Variants in ZFHX3 observed in about 807,000 individuals in gnomAD.
ZFHX3 encodes the protein zinc finger homeobox protein 3.
A neutral mutation model predicts 279.1 loss-of-function variants in ZFHX3; 42 were observed. That is an observed-to-expected ratio of 0.15 (90% CI 0.12 to 0.19). The LOEUF is 0.19. Ranked by LOEUF, ZFHX3 falls within the 10% of genes least tolerant of loss-of-function variation. The pLI, the probability that ZFHX3 is intolerant of heterozygous loss-of-function variation, is 1.00. For missense variants in ZFHX3, 4,981 were observed against 4,754.0 expected (o/e 1.05, Z -1.40); for synonymous variants, 2,293 against 1,957.8 (o/e 1.17, Z -4.52).
intron 1 of ZFHX3, among the ~76,000 whole-genome samples, chr16:72,995,093 C>T (rs1597068164): frequency 1.3e-5 from 2 of 152,296 alleles, no homozygotes; most frequent in East Asian, 3.9e-4. Context: ...ACAGGGTTCC[C>T]ACTCCTACAG....
chr16:73,741,271 C>T (rs1423643923), intron 1 of ZFHX3, among the ~76,000 whole-genome samples: 1 of 152,034 alleles, frequency 6.6e-6, no homozygotes, highest in African/African-American at 2.4e-5. Context: ...GAAATACAAG[C>T]TTTAAAGAAA....
chr16:73,003,670 C>T (rs1434169391), intron 1 of ZFHX3, among the ~76,000 whole-genome samples: 2 of 152,106 alleles, frequency 1.3e-5, no homozygotes, highest in African/African-American at 2.4e-5. Flanking sequence ...TGCACTACTG[C>T]ACTCCAGCCT....
chr16:73,026,192 C>CAAAAAAAAAA (rs60146795), intron 1 of ZFHX3, among the ~76,000 whole-genome samples: 7 of 47,486 alleles, frequency 1.5e-4, no homozygotes, highest in Non-Finnish European at 1.9e-4. Context: ...ACAAAAAATA[C>CAAAAAAAAAA]AAAAAAAAAA....
At chr16:73,205,628 G>A (rs887810824) in intron 5 of ZFHX3, among the ~76,000 whole-genome samples, 1 of 152,152 alleles carries the variant, frequency 6.6e-6, no homozygotes, top group Non-Finnish European at 1.5e-5. Context: ...AAATGACCGC[G>A]TGTGGCTGTG....
chr16:73,682,950 G>C, intron 1 of ZFHX3, among the ~76,000 whole-genome samples: 1 of 19,048 alleles, frequency 5.2e-5, no homozygotes, highest in African/African-American at 1.7e-4. Flanking sequence ...AAGAAAGAAA[G>C]AAAGAAAGAA....
intron 4 of ZFHX3, among the ~76,000 whole-genome samples, chr16:73,314,539 C>T (rs981729847): frequency 6.6e-6 from 1 of 152,150 alleles, no homozygotes; most frequent in Non-Finnish European, 1.5e-5. Flanking sequence ...CTCTGTAGTC[C>T]GTGCTCCTAC....
intron 1 of ZFHX3, among the ~76,000 whole-genome samples, chr16:73,709,482 C>T (rs1417726523): frequency 3.9e-5 from 6 of 152,068 alleles, no homozygotes; most frequent in African/African-American, 1.2e-4. Flanking sequence ...TTTGCAACAA[C>T]GTGGATGAAC....
rs761319374 is a variant in ZFHX3, at chr16:73,238,162, C to T, written c.-1104+18885G>A. 5.0e-4 allele frequency among the ~76,000 whole-genome samples: 76 copies of T among 152,154 alleles called. 1 individual carries two copies. The highest frequency in any genetic ancestry group is 5.0e-4 in the Non-Finnish European group (34 of 68,036). The stretch of plus-strand genomic sequence containing the variant: ...CTAGCTTCATGTCAGACTTATCTTC[C>T]TTTATTAATGCCTTAAATATTAGTG... On this transcript the variant is annotated intron_variant, in intron 5 of 17. Transcript: ENST00000641206.
chr16:72,905,558 A>G (rs8063923), intron 3 of ZFHX3, among the ~76,000 whole-genome samples: 42,618 of 152,100 alleles, frequency 0.28, 6,329 homozygotes, highest in African/African-American at 0.32. Flanking sequence ...CACAGAAGAA[A>G]GGAAGAGGGA....
chr16:73,076,688 C>T (rs1597148897), intron 8 of ZFHX3, among the ~76,000 whole-genome samples: 4 of 152,272 alleles, frequency 2.6e-5, no homozygotes, highest in Admixed American at 2.0e-4. Context: ...AGATTTATTT[C>T]CACACATCTC....
intron 5 of ZFHX3, among the ~76,000 whole-genome samples, chr16:73,194,172 TTTTTA>T (rs893591087): frequency 6.6e-4 from 101 of 152,266 alleles, no homozygotes; most frequent in African/African-American, 2.4e-3. Context: ...AGGAACTTCT[TTTTTA>T]TTTTATTTTA....
chr16:73,530,027 T>C (rs2143724807), intron 2 of ZFHX3, among the ~76,000 whole-genome samples: 2 of 152,296 alleles, frequency 1.3e-5, no homozygotes, highest in Middle Eastern at 6.8e-3. Context: ...TAGCCTGTTT[T>C]CACGCTGCTG....
chr16:73,575,854 A>T (rs1597007343), intron 2 of ZFHX3, among the ~76,000 whole-genome samples: 1 of 152,120 alleles, frequency 6.6e-6, no homozygotes, highest in Admixed American at 6.5e-5. Flanking sequence ...GTGCCATTCA[A>T]TTCCTCTAAG....
In ZFHX3 at chr16:72,785,093, T is replaced by G. The variant is rs941779012; in HGVS notation, c.*2071A>C. On this transcript the variant is annotated 3_prime_UTR_variant, in exon 10 of 10. Transcript: ENST00000268489. ...AGGAAGAAAACGAAGGGAAGAAGGA[T>G]TTCACACTTTGGGGGCAAGGGGAGA... 3.9e-5 allele frequency: 6 copies of G among 152,640 alleles called. No individual in the cohort carries two copies. The highest frequency in any genetic ancestry group is 1.4e-4 in the African/African-American group (6 of 41,450). The allele number at this position is 152,640 out of a possible 1,614,324, so 9.5% of individuals were successfully genotyped here.
At chr16:73,677,210 A>C (rs2142191273) in intron 2 of ZFHX3, among the ~76,000 whole-genome samples, 1 of 117,834 alleles carries the variant, frequency 8.5e-6, no homozygotes, top group South Asian at 3.1e-4. Flanking sequence ...GAGGCAATTA[A>C]ATAAAACTGT....
At chr16:73,736,918 A>G (rs961831041) in intron 1 of ZFHX3, among the ~76,000 whole-genome samples, 1 of 152,234 alleles carries the variant, frequency 6.6e-6, no homozygotes, top group Non-Finnish European at 1.5e-5. Flanking sequence ...TTCATGGTCA[A>G]TGCTGTCAGA....
chr16:73,438,337 G>A (rs57522079), intron 3 of ZFHX3, among the ~76,000 whole-genome samples: 1,672 of 152,276 alleles, frequency 0.011, 31 homozygotes, highest in African/African-American at 0.038. Context: ...TCTGCAGAAG[G>A]GTGGATGCTG....
At chr16:73,093,656 A>T in intron 7 of ZFHX3, 1 of 463,812 alleles carries the variant, frequency 2.2e-6, no homozygotes, top group Non-Finnish European at 4.4e-6. Context: ...CACAGAATAC[A>T]GTTCGCCATT....
chr16:73,629,054 C>T (rs944360698), intron 2 of ZFHX3, among the ~76,000 whole-genome samples: 2 of 152,178 alleles, frequency 1.3e-5, no homozygotes, highest in East Asian at 3.9e-4. Flanking sequence ...AAACCCCCGC[C>T]GGTGTGCCCG....
Sources: allele counts gnomAD v4.1 joint callset (sites outside exome capture counted in the v4.1 genomes callset), GRCh38; gene constraint gnomAD v4.1.1; transcripts MANE v1.5; gene names NCBI Gene and HGNC (gene_info 2026-07-23, HGNC 2026-07-21).